KDM2B: variants seen among roughly 807,000 people sequenced by gnomAD.
KDM2B encodes lysine demethylase 2B.
Under a neutral mutation model 150.0 loss-of-function variants are expected in KDM2B, and 26 were observed. The observed-to-expected ratio is 0.17, with a 90% CI of 0.13 to 0.24. The LOEUF (loss-of-function observed/expected upper bound fraction) is 0.24, where lower values mean the gene tolerates loss of function less well. KDM2B is among the 10% of genes least tolerant of loss of function. The pLI is 1.00. For missense variants in KDM2B, 1,265 were observed against 1,816.9 expected (o/e 0.70, Z 5.52); for synonymous variants, 734 against 729.5 (o/e 1.01, Z -0.10).
At chr12:121,466,478 G>A (rs1195012636) in intron 12 of KDM2B, among the ~76,000 whole-genome samples, 1 of 152,050 alleles carries the variant, frequency 6.6e-6, no homozygotes, top group Non-Finnish European at 1.5e-5. Context: ...TGAATCCACC[G>A]AGGCCAACTC....
chr12:121,415,677 G>A, the KDM2B span, among the ~76,000 whole-genome samples: 2 of 152,090 alleles, frequency 1.3e-5, no homozygotes, highest in African/African-American at 4.8e-5. Flanking sequence ...AATAATAGCT[G>A]AGAAAATCTG....
intron 4 of KDM2B, among the ~76,000 whole-genome samples, chr12:121,555,669 T>G (rs972029603): frequency 2.0e-5 from 3 of 152,180 alleles, no homozygotes; most frequent in Non-Finnish European, 4.4e-5. Flanking sequence ...CCACCACACC[T>G]GGCCAAAATT....
chr12:121,480,583 C>CA (rs35490517), intron 12 of KDM2B, among the ~76,000 whole-genome samples: 3,987 of 62,190 alleles, frequency 0.064, 133 homozygotes, highest in African/African-American at 0.11. Context: ...CTGTCGCTAC[C>CA]AAAAAAAAAA....
intron 8 of KDM2B, among the ~76,000 whole-genome samples, chr12:121,529,800 T>C (rs1262504836): frequency 6.7e-6 from 1 of 149,454 alleles, no homozygotes; most frequent in African/African-American, 2.5e-5. Context: ...CATGGTGGCG[T>C]GTACCTGTAA....
intron 4 of KDM2B, among the ~76,000 whole-genome samples, chr12:121,559,562 G>A (rs181495090): frequency 6.6e-5 from 10 of 152,246 alleles, no homozygotes; most frequent in African/African-American, 2.2e-4. Flanking sequence ...GACCAGGGAG[G>A]CAGGAGATGT....
chr12:121,455,979 G>A (rs1878170297), intron 12 of KDM2B, among the ~76,000 whole-genome samples: 1 of 152,262 alleles, frequency 6.6e-6, no homozygotes. Context: ...TAAGGACCGA[G>A]ATGACGGCCA....
chr12:121,494,843 A>C (rs1212779988), intron 11 of KDM2B, among the ~76,000 whole-genome samples, 178 bp from the exon 12 acceptor site: 1 of 152,158 alleles, frequency 6.6e-6, no homozygotes, highest in Non-Finnish European at 1.5e-5. Context: ...CCTGGGGCCC[A>C]CGAAACACAC....
chr12:121,502,478 G>A (rs556156155), intron 11 of KDM2B, among the ~76,000 whole-genome samples: 16 of 151,894 alleles, frequency 1.1e-4, no homozygotes, highest in African/African-American at 3.1e-4. Context: ...AGAATTAGCT[G>A]GGCGTGGTGG....
At position 121,441,081 on chromosome 12, in the gene KDM2B, T is replaced by C. The variant is rs782438640; in HGVS notation, c.3437A>G (p.Asn1146Ser). ...GGCCCAGGGCTCACCAGGCAGCCGG[T>C]TGATGAGCCAGCTCAGCTGCTTCTT... ...ISKKQLSWLINRLPGLRDLVL... is the reference protein window; with the variant it reads ...ISKKQLSWLISRLPGLRDLVL... The change falls in exon 20 of 23, where the codon AAC becomes AGC. Residue 1146 changes from asparagine (N) to serine (S), a missense_variant. By Grantham distance (46) the Asn-to-Ser change is conservative (BLOSUM62 1). Transcript: ENST00000377071. The C allele has an allele frequency of 8.7e-6, 14 of 1,614,124 alleles. No homozygotes were observed. Among genetic ancestry groups the C allele is most frequent in the East Asian group, 4.5e-5 (2 of 44,882 alleles).
rs1874558115 is a variant in KDM2B at position 121,439,302 on chromosome 12, G to C, written c.3829+555C>G. ...TGTCCCTTGTCCGTATTTTGGGTCAGGAACCACTGCTATGTGCTTGTGGCT... is the reference window on the plus strand; with the variant it reads ...TGTCCCTTGTCCGTATTTTGGGTCACGAACCACTGCTATGTGCTTGTGGCT... On this transcript the variant is annotated intron_variant, in intron 22 of 22. Coordinates refer to ENST00000377071, the MANE Select transcript of KDM2B (RefSeq NM_032590.5). Among the ~76,000 whole-genome samples, 6 of 152,120 alleles carry C rather than the reference G, an allele frequency of 3.9e-5. No homozygotes were observed. The South Asian group carries it at 1.2e-3, about 32-fold the overall frequency.
intron 9 of KDM2B, among the ~76,000 whole-genome samples, chr12:121,517,905 G>C (rs114663616): frequency 6.7e-6 from 1 of 150,024 alleles, no homozygotes; most frequent in South Asian, 2.1e-4. Context: ...CTTTTTTTGA[G>C]GGGGGGGATG....
chr12:121,420,502 G>A, the KDM2B span: 9 of 1,576,722 alleles, frequency 5.7e-6, no homozygotes, highest in Non-Finnish European at 7.0e-6. Context: ...AGAATATTCA[G>A]GGCCAGTGAT....
intron 22 of KDM2B, among the ~76,000 whole-genome samples, chr12:121,437,122 G>A (rs1555286965): frequency 6.6e-6 from 1 of 152,008 alleles, no homozygotes; most frequent in East Asian, 1.9e-4. Context: ...GCAGCAGTGG[G>A]GCGGGCAGTC....
intron 9 of KDM2B, among the ~76,000 whole-genome samples, chr12:121,514,167 T>G (rs1885831321): frequency 6.6e-6 from 1 of 152,026 alleles, no homozygotes; most frequent in Non-Finnish European, 1.5e-5. Context: ...CAGGCTGGAG[T>G]GCAGTGGCAC....
rs200005995 is a variant in KDM2B, at chr12:121,484,654, C to CA, written c.1734+9924dup. On this transcript the variant is annotated intron_variant, in intron 12 of 22. Coordinates refer to ENST00000377071, the MANE Select transcript of KDM2B (RefSeq NM_032590.5). ...GCAACAGAGTAAGACCCCATCTCTA[C>CA]AAAAAAAACAAAATTTAGCTGGGCA... 9.0e-3 allele frequency among the ~76,000 whole-genome samples: 1,356 copies of CA among 151,022 alleles called. 14 individuals are homozygous for CA. The highest frequency in any genetic ancestry group is 0.03 in the African/African-American group (1,242 of 41,168).
chr12:121,542,394 C>A (rs1197442981), intron 6 of KDM2B, among the ~76,000 whole-genome samples: 1 of 152,210 alleles, frequency 6.6e-6, no homozygotes, highest in African/African-American at 2.4e-5. Context: ...CTCCACCCCC[C>A]TTGGCCTCCC....
chr12:121,438,769 T>G (rs1466271333), intron 22 of KDM2B, among the ~76,000 whole-genome samples: 1 of 151,884 alleles, frequency 6.6e-6, no homozygotes, highest in Non-Finnish European at 1.5e-5. Context: ...ACCACTGCGC[T>G]GTGTGAAAAA....
rs782318830 is a variant in KDM2B, at chr12:121,445,401, G to A, written c.1977C>T (p.Thr659=). 8.7e-6 allele frequency: 14 copies of A among 1,604,004 alleles called. No homozygotes were observed. The highest frequency in any genetic ancestry group is 9.4e-6 in the Non-Finnish European group (11 of 1,174,480). The change falls in exon 14 of 23, where the codon ACC becomes ACT. Residue 659 remains threonine, a synonymous_variant. Coordinates refer to ENST00000377071, the MANE Select transcript of KDM2B (RefSeq NM_032590.5). ...RQCIAPVLPH[T]AVCLVCGEAG... ...CCTCGCCACACACAAGGCACACGGCGGTGTGGGGCAGCACTGGCTGAGGAG... is the reference window on the plus strand; with the variant it reads ...CCTCGCCACACACAAGGCACACGGCAGTGTGGGGCAGCACTGGCTGAGGAG...
chr12:121,418,634 G>T, the KDM2B span: 1 of 152,258 alleles, frequency 6.6e-6, no homozygotes, highest in Admixed American at 6.5e-5. Flanking sequence ...CAAGAGGATT[G>T]CTTTAGTTCA....
Sources: allele counts gnomAD v4.1 joint callset (sites outside exome capture counted in the v4.1 genomes callset), GRCh38; gene constraint gnomAD v4.1.1; transcripts MANE v1.5; gene names NCBI Gene and HGNC (gene_info 2026-07-23, HGNC 2026-07-21).